CDH18: variants seen among roughly 807,000 people sequenced by gnomAD.
The protein encoded by CDH18 is cadherin 18, also known as cadherin-18.
A neutral mutation model predicts 67.9 loss-of-function variants in CDH18; 31 were observed. The ratio of observed to expected loss-of-function variants is 0.46; its 90% CI spans 0.34 to 0.62. CDH18 has a LOEUF of 0.62. Among genes scored for constraint, CDH18 ranks in the 20% least tolerant of loss-of-function variants. The probability of loss-of-function intolerance (pLI) is 0.01; values close to 1 mark genes in which losing one functional copy is unlikely to be tolerated. For synonymous variants in CDH18, 362 were observed against 347.2 expected, an observed-to-expected ratio of 1.04 and a Z score of -0.48; for missense variants, 890 against 975.5, an observed-to-expected ratio of 0.91 and a Z score of 1.17.
chr5:19,542,088 T>C (rs577619693), intron 9 of CDH18, among the ~76,000 whole-genome samples: 2 of 152,158 alleles, frequency 1.3e-5, no homozygotes, highest in African/African-American at 2.4e-5. Flanking sequence ...AGAGATATTA[T>C]GGTGAAAAAC....
intron 2 of CDH18, among the ~76,000 whole-genome samples, chr5:20,023,654 G>A (rs1448215076): frequency 2.4e-4 from 15 of 63,454 alleles, no homozygotes; most frequent in African/African-American, 3.6e-4. Flanking sequence ...GCGAGACTCC[G>A]TCTCAAAAAA....
intron 1 of CDH18, among the ~76,000 whole-genome samples, chr5:20,400,168 G>A (rs571051042): frequency 1.3e-5 from 2 of 152,192 alleles, no homozygotes; most frequent in South Asian, 4.1e-4. Flanking sequence ...CTCTGACTCT[G>A]CTTTATCAAC....
At chr5:19,986,909 G>A (rs1161878636) in intron 1 of CDH18, among the ~76,000 whole-genome samples, 1 of 152,152 alleles carries the variant, frequency 6.6e-6, no homozygotes, top group Non-Finnish European at 1.5e-5. Flanking sequence ...TGAAAAATCT[G>A]TGGGTGATCC....
At chr5:20,210,870 TA>T (rs1740299674) in intron 2 of CDH18, among the ~76,000 whole-genome samples, 1 of 152,056 alleles carries the variant, frequency 6.6e-6, no homozygotes, top group African/African-American at 2.4e-5. Context: ...TTCTGCTGAG[TA>T]ATGACTACTA....
At position 19,717,394 on chromosome 5, in the gene CDH18, A is replaced by G. The variant is rs1027068283; in HGVS notation, c.643+3953T>C. On this transcript the variant is annotated intron_variant, in intron 5 of 12. Coordinates refer to ENST00000382275, the MANE Select transcript of CDH18 (RefSeq NM_004934.5). Reference sequence around the variant, plus strand: ...CAGTTAAAAACTACACTGGTCTTCCATTCCGTAAGGAAATGGAAAGTTTCC... The same window carrying G: ...CAGTTAAAAACTACACTGGTCTTCCGTTCCGTAAGGAAATGGAAAGTTTCC... Among the ~76,000 whole-genome samples the G allele has an allele frequency of 6.7e-5, 7 of 104,454 alleles. 1 individual carries two copies. The highest frequency in any genetic ancestry group is 5.0e-4 in the Admixed American group (4 of 8,060). The allele number at this position is 104,454 out of a possible 152,430, so 68.5% of individuals were successfully genotyped here. A position where few individuals can be genotyped will look rare whatever the true frequency, so the allele number is the denominator to read the frequency against.
chr5:20,283,281 T>G (rs554980704), intron 1 of CDH18, among the ~76,000 whole-genome samples: 1 of 152,082 alleles, frequency 6.6e-6, no homozygotes, highest in South Asian at 2.1e-4. Context: ...AAAAAGTTTA[T>G]GCACAGCAAA....
chr5:19,898,545 T>TA (rs1789589775), intron 2 of CDH18, among the ~76,000 whole-genome samples: 1 of 151,854 alleles, frequency 6.6e-6, no homozygotes, highest in African/African-American at 2.4e-5. Flanking sequence ...TTAGTTTTTT[T>TA]TAAAAAAAGG....
chr5:19,960,586 T>TGTATATATATATATACACACAC (rs1796712376), intron 2 of CDH18, among the ~76,000 whole-genome samples: 3 of 132,740 alleles, frequency 2.3e-5, no homozygotes, highest in Non-Finnish European at 4.5e-5. Context: ...TGTGTGTGTG[T>TGTATATATATATATACACACAC]GTGTATATAT....
At chr5:19,515,002 C>T (rs1409829788) in intron 10 of CDH18, among the ~76,000 whole-genome samples, 2 of 152,138 alleles carry the variant, frequency 1.3e-5, no homozygotes, top group Non-Finnish European at 2.9e-5. Flanking sequence ...AGTCTTTAAT[C>T]CATCTCGAAT....
At chr5:20,127,793 A>C (rs10060547) in intron 2 of CDH18, among the ~76,000 whole-genome samples, 129,185 of 152,052 alleles carry the variant, frequency 0.85, 56,348 homozygotes, top group Non-Finnish European at 0.94. Flanking sequence ...AGTTAAAAAT[A>C]CTGTATTATA....
intron 2 of CDH18, among the ~76,000 whole-genome samples, chr5:20,066,328 C>T (rs1006548203): frequency 9.2e-5 from 14 of 152,130 alleles, no homozygotes; most frequent in Non-Finnish European, 1.9e-4. Flanking sequence ...GATCTTGATA[C>T]CAGAAAAACG....
chr5:19,660,531 A>C (rs545487228), intron 5 of CDH18, among the ~76,000 whole-genome samples: 1 of 152,240 alleles, frequency 6.6e-6, no homozygotes, highest in South Asian at 2.1e-4. Flanking sequence ...AATGTATATT[A>C]TTTACAGTTT....
chr5:19,732,261 AG>A (rs1767701181), intron 4 of CDH18, among the ~76,000 whole-genome samples: 1 of 152,028 alleles, frequency 6.6e-6, no homozygotes, highest in African/African-American at 2.4e-5. Flanking sequence ...GGCAACATAG[AG>A]ATACCTAGTT....
chr5:19,758,142 C>A (rs1771859549), intron 3 of CDH18, among the ~76,000 whole-genome samples: 1 of 152,140 alleles, frequency 6.6e-6, no homozygotes. Flanking sequence ...CCTGCTAGAG[C>A]CTGATCATAT....
chr5:20,572,271 C>T (rs893436191), intron 1 of CDH18, among the ~76,000 whole-genome samples: 2 of 151,254 alleles, frequency 1.3e-5, no homozygotes, highest in African/African-American at 2.4e-5. Flanking sequence ...CTGATCTTGT[C>T]TCCTGAAAGC....
intron 3 of CDH18, among the ~76,000 whole-genome samples, chr5:19,808,664 A>T (rs1778299155): frequency 8.1e-6 from 1 of 123,672 alleles, no homozygotes. Context: ...TGTCTCTACT[A>T]AAAAAAAAAT....
At chr5:19,983,885 T>C (rs1799303024) in intron 1 of CDH18, among the ~76,000 whole-genome samples, 1 of 152,194 alleles carries the variant, frequency 6.6e-6, no homozygotes, top group Admixed American at 6.5e-5. Flanking sequence ...AAATAAATAG[T>C]ATATCTATGC....
chr5:20,534,132 C>T (rs983380334), intron 1 of CDH18, among the ~76,000 whole-genome samples: 2 of 151,854 alleles, frequency 1.3e-5, no homozygotes, highest in African/African-American at 4.8e-5. Context: ...TCCTTGTTTG[C>T]CAAAATTGCA....
At chr5:19,560,578 A>C (rs2149883557) in intron 8 of CDH18, among the ~76,000 whole-genome samples, 1 of 152,264 alleles carries the variant, frequency 6.6e-6, no homozygotes, top group Non-Finnish European at 1.5e-5. Context: ...AACATTGGAA[A>C]AGTCCTTCTA....
Sources: gnomAD v4.1 joint callset for allele counts (sites outside exome capture counted in the v4.1 genomes callset) on GRCh38, gnomAD v4.1.1 for gene constraint, MANE v1.5 for transcripts, NCBI Gene and HGNC (gene_info 2026-07-23, HGNC 2026-07-21) for gene names.